The following ARL15 variants were observed in gnomAD, a reference collection of about 807,000 sequenced individuals.
The protein encoded by ARL15 is ARF like GTPase 15.
ARL15 carries 19 observed loss-of-function variants against 25.2 expected under a neutral mutation model. That is an observed-to-expected ratio of 0.75 (90% CI 0.53 to 1.10). The LOEUF (loss-of-function observed/expected upper bound fraction) is 1.10, where lower values mean the gene tolerates loss of function less well. ARL15 is among the 50% of genes least tolerant of loss of function. ARL15 has a pLI of 0.00. For missense variants in ARL15, 220 were observed against 246.0 expected, an observed-to-expected ratio of 0.89 and a Z score of 0.71; for synonymous variants, 94 against 86.8, an observed-to-expected ratio of 1.08 and a Z score of -0.46.
intron 1 of ARL15, among the ~76,000 whole-genome samples, chr5:54,218,460 C>A (rs574354829): frequency 5.3e-5 from 8 of 152,116 alleles, no homozygotes; most frequent in Non-Finnish European, 7.4e-5. Flanking sequence ...CCTCTAATGA[C>A]AAAAGCAGAT....
intron 4 of ARL15, among the ~76,000 whole-genome samples, chr5:53,973,819 C>A (rs149076129): frequency 6.6e-6 from 1 of 151,818 alleles, no homozygotes; most frequent in Non-Finnish European, 1.5e-5. Context: ...TTTCTGTGAG[C>A]GGGCAATTTT....
At chr5:53,952,034 G>A (rs1373503856) in intron 4 of ARL15, among the ~76,000 whole-genome samples, 5 of 151,804 alleles carry the variant, frequency 3.3e-5, no homozygotes, top group African/African-American at 7.3e-5. Flanking sequence ...TTGGGAGGCC[G>A]AGGAGGGTGG....
chr5:54,255,913 G>C (rs1757350176), intron 1 of ARL15, among the ~76,000 whole-genome samples: 2 of 152,016 alleles, frequency 1.3e-5, no homozygotes, highest in African/African-American at 4.8e-5. Context: ...GATACAGCAA[G>C]AGGAAAGTGC....
At chr5:54,138,718 A>G (rs1414803091) in intron 3 of ARL15, among the ~76,000 whole-genome samples, 1 of 152,196 alleles carries the variant, frequency 6.6e-6, no homozygotes, top group Non-Finnish European at 1.5e-5. Context: ...CGAAGAAATA[A>G]TCATCAGAGT....
chr5:54,085,693 T>C (rs1431612919), intron 4 of ARL15, among the ~76,000 whole-genome samples: 1 of 152,204 alleles, frequency 6.6e-6, no homozygotes, highest in Non-Finnish European at 1.5e-5. Flanking sequence ...GCTAACACTT[T>C]CTAACTTGTA....
At chr5:54,036,777 A>T (rs1750180805) in intron 4 of ARL15, among the ~76,000 whole-genome samples, 1 of 152,128 alleles carries the variant, frequency 6.6e-6, no homozygotes, top group African/African-American at 2.4e-5. Flanking sequence ...TGTCATGAGA[A>T]ATTTGAGCTC....
intron 1 of ARL15, chr5:54,307,926 T>A (rs980623758): frequency 6.6e-6 from 1 of 152,168 alleles, no homozygotes; most frequent in Non-Finnish European, 1.5e-5. Flanking sequence ...AAACTTGGAA[T>A]GAAAGGAGCA....
intron 4 of ARL15, among the ~76,000 whole-genome samples, chr5:53,992,454 A>G (rs535115314): frequency 3.9e-5 from 6 of 152,306 alleles, no homozygotes; most frequent in East Asian, 3.9e-4. Flanking sequence ...AAGCACTGTC[A>G]TTCCAGGTTA....
At chr5:54,301,008 G>GCCTGGC (rs1234386390) in intron 1 of ARL15, among the ~76,000 whole-genome samples, 2 of 152,172 alleles carry the variant, frequency 1.3e-5, no homozygotes, top group African/African-American at 2.4e-5. Flanking sequence ...TATTCCTTTT[G>GCCTGGC]CCTGGCCCTG....
chr5:53,887,772 C>T (rs1472261264), intron 4 of ARL15, among the ~76,000 whole-genome samples: 1 of 152,168 alleles, frequency 6.6e-6, no homozygotes, highest in Non-Finnish European at 1.5e-5. Flanking sequence ...TGAAAAATTA[C>T]AGTCTTACCT....
intron 4 of ARL15, among the ~76,000 whole-genome samples, chr5:53,945,605 CA>C (rs1746700576): frequency 6.6e-6 from 1 of 152,106 alleles, no homozygotes; most frequent in African/African-American, 2.4e-5. Flanking sequence ...TTTACAATTG[CA>C]AACACCATAC....
chr5:53,899,900 T>C (rs115030684), intron 4 of ARL15, among the ~76,000 whole-genome samples: 3,579 of 152,290 alleles, frequency 0.024, 86 homozygotes, highest in Admixed American at 0.054. Flanking sequence ...TCCTTACTTT[T>C]TTCCTCCCTA....
intron 3 of ARL15, among the ~76,000 whole-genome samples, chr5:54,124,202 T>C (rs1753176627): frequency 6.6e-6 from 1 of 152,196 alleles, no homozygotes; most frequent in Admixed American, 6.5e-5. Context: ...TTCTTACAAT[T>C]CTGATATTAG....
At chr5:53,998,542 C>G (rs1167106593) in intron 4 of ARL15, among the ~76,000 whole-genome samples, 1 of 152,152 alleles carries the variant, frequency 6.6e-6, no homozygotes, top group Non-Finnish European at 1.5e-5. Flanking sequence ...CAGCCCTGCA[C>G]AGAAAGGGAC....
At chr5:54,197,449 C>A (rs1267484951) in intron 1 of ARL15, among the ~76,000 whole-genome samples, 8 of 152,130 alleles carry the variant, frequency 5.3e-5, no homozygotes, top group African/African-American at 1.9e-4. Flanking sequence ...AATCCTTTTA[C>A]CTGCCTACAT....
intron 4 of ARL15, among the ~76,000 whole-genome samples, chr5:54,073,415 C>A (rs1751483408): frequency 6.6e-6 from 1 of 152,172 alleles, no homozygotes; most frequent in Non-Finnish European, 1.5e-5. Context: ...GAACTTCTCA[C>A]CACATATATA....
chr5:54,279,838 A>T (rs905743371), intron 1 of ARL15, among the ~76,000 whole-genome samples: 2 of 152,218 alleles, frequency 1.3e-5, no homozygotes, highest in Non-Finnish European at 2.9e-5. Flanking sequence ...AGATGGAAAT[A>T]CCTTATTGTG....
intron 3 of ARL15, among the ~76,000 whole-genome samples, chr5:54,114,071 G>A (rs1325615071): frequency 6.6e-6 from 1 of 152,002 alleles, no homozygotes; most frequent in African/African-American, 2.4e-5. Flanking sequence ...GAGATAAGAT[G>A]TTTATTAAAA....
intron 4 of ARL15, among the ~76,000 whole-genome samples, chr5:54,111,013 GTAAGTA>G (rs956616018): frequency 3.4e-4 from 51 of 152,100 alleles, no homozygotes; most frequent in Admixed American, 3.1e-3. Context: ...CAGACCCAAA[GTAAGTA>G]TAACCATGTC....
Sources: gnomAD v4.1 joint callset for allele counts (sites outside exome capture counted in the v4.1 genomes callset) on GRCh38, gnomAD v4.1.1 for gene constraint, MANE v1.5 for transcripts, NCBI Gene and HGNC (gene_info 2026-07-23, HGNC 2026-07-21) for gene names.